SKOR2: variants seen among roughly 807,000 people sequenced by gnomAD.
SKOR2 encodes SKI family transcriptional corepressor 2.
SKOR2 carries 47 observed loss-of-function variants against 69.1 expected under a neutral mutation model. The observed-to-expected ratio is 0.68, with a 90% CI of 0.54 to 0.87. The LOEUF is 0.87. SKOR2 is among the 40% of genes least tolerant of loss of function. SKOR2 has a pLI of 0.00. For synonymous variants in SKOR2, 717 were observed against 672.6 expected (o/e 1.07, Z -1.02); for missense variants, 1,404 against 1,472.2 (o/e 0.95, Z 0.76).
chr18:47,217,885 T>C (rs1316744975), intron 7 of SKOR2, among the ~76,000 whole-genome samples: 3 of 152,146 alleles, frequency 2.0e-5, no homozygotes, highest in African/African-American at 7.2e-5. Flanking sequence ...CCCAAATTAT[T>C]TAATTTGCTA....
At position 47,248,269 on chromosome 18, in the gene SKOR2, A is replaced by G. The variant is rs1324802488; in HGVS notation, c.915T>C (p.His305=). 2 of 1,217,964 alleles carry G rather than the reference A, an allele frequency of 1.6e-6. No homozygotes were observed. The highest frequency in any genetic ancestry group is 7.9e-5 in the South Asian group (2 of 25,308). 75.4% of individuals were successfully genotyped at this position (1,217,964 alleles called of 1,614,324 possible). A position where few individuals can be genotyped will look rare whatever the true frequency, so the allele number is the denominator to read the frequency against. The change falls in exon 2 of 9, where the codon CAT becomes CAC. Residue 305 remains histidine (H), a synonymous_variant. Coordinates refer to ENST00000425639, the MANE Select transcript of SKOR2 (RefSeq NM_001278063.4). The surrounding 1 kb of genome is among the most constrained non-coding windows in gnomAD (Gnocchi z 6.4). ...CGTCGTCGAAGCGCGGCCGCTTGTG[A>G]TGGGCGTGCGGGGCACCAGCCAGCT... ...LAELAGAPHA[H]HKRPRFDDDD... is the part of the protein sequence containing the mutation.
At chr18:47,239,077 T>A (rs1231188176) in intron 4 of SKOR2, among the ~76,000 whole-genome samples, 1 of 152,252 alleles carries the variant, frequency 6.6e-6, no homozygotes, top group African/African-American at 2.4e-5. Flanking sequence ...CTCTTAGAGG[T>A]ATAATTTGGA....
chr18:47,217,435 T>C (rs1455998110), intron 7 of SKOR2, among the ~76,000 whole-genome samples: 1 of 152,202 alleles, frequency 6.6e-6, no homozygotes, highest in African/African-American at 2.4e-5. Flanking sequence ...CTCTGTTAGG[T>C]GCAGACAGAG....
intron 4 of SKOR2, among the ~76,000 whole-genome samples, chr18:47,238,296 T>C (rs1173212177): frequency 6.6e-6 from 1 of 151,320 alleles, no homozygotes; most frequent in Admixed American, 6.6e-5. Context: ...GTAAATTTAG[T>C]AAATAATTTT....
intron 7 of SKOR2, among the ~76,000 whole-genome samples, chr18:47,213,567 TAGTC>T (rs781497488): frequency 3.3e-5 from 5 of 151,816 alleles, no homozygotes; most frequent in African/African-American, 7.3e-5. Flanking sequence ...CTGTAATAAT[TAGTC>T]AGCTGAATCA....
rs1490330912 is a variant in SKOR2 at position 47,251,469 on chromosome 18, G to C, written c.-143C>G. The C allele has an allele frequency of 6.6e-6, 1 of 152,362 alleles. No homozygotes were observed. Among genetic ancestry groups the C allele is most frequent in the African/African-American group, 2.4e-5 (1 of 41,472 alleles). The allele number at this position is 152,362 out of a possible 1,614,324, so 9.4% of individuals were successfully genotyped here. ...ATCCAAGCGGGTCCTCGTATCCAGC[G>C]GGCGGGACTCTGGCGGGCTCCGCGC... On this transcript the variant is annotated 5_prime_UTR_variant, in exon 1 of 9. Coordinates refer to ENST00000425639, the MANE Select transcript of SKOR2 (RefSeq NM_001278063.4).
At chr18:47,224,507 T>A (rs2064172145) in intron 6 of SKOR2, among the ~76,000 whole-genome samples, 1 of 152,192 alleles carries the variant, frequency 6.6e-6, no homozygotes, top group African/African-American at 2.4e-5. Context: ...ATAGGGTACA[T>A]CTGGTTCACA....
At chr18:47,250,020 G>T (rs2064305796) in intron 1 of SKOR2, among the ~76,000 whole-genome samples, 1 of 152,132 alleles carries the variant, frequency 6.6e-6, no homozygotes. Context: ...CTGTTTTACT[G>T]TCATTTCCAT....
chr18:47,248,485 G>A lies in SKOR2; in HGVS notation c.699C>T (p.Ala233=). The change falls in exon 2 of 9, where the codon GCC becomes GCT. Residue 233 remains alanine (A), a synonymous_variant. Transcript: ENST00000425639. This position sits in a 1 kb window ranked among gnomAD's most constrained non-coding sequence, Gnocchi z 6.4. ...ELVFAWEDVK[A]MFNGGSRKRA... ...GCTTGCGGCTGCCGCCGTTGAACAT[G>A]GCCTTGACGTCCTCCCAGGCGAAGA... The A allele has an allele frequency of 6.5e-7, 1 of 1,536,310 alleles. No individual in the cohort carries two copies. The highest frequency in any genetic ancestry group is 8.7e-7 in the Non-Finnish European group (1 of 1,146,700).
Position 47,219,862 on chromosome 18 carries a change from G to A in SKOR2, c.2985+81C>T, listed in dbSNP as rs140828276. On this transcript the variant is annotated intron_variant, in intron 7 of 8. Coordinates refer to ENST00000425639, the MANE Select transcript of SKOR2 (RefSeq NM_001278063.4). ...GGACCAAAGGATTTCATGCAAAAAC[G>A]TGAACAGTTTCATACATATTGGGTA... 7,239 of 1,260,284 alleles carry A rather than the reference G, an allele frequency of 5.7e-3. 27 individuals carry two copies. Among genetic ancestry groups the A allele is most frequent in the Non-Finnish European group, 7.5e-3 (6,737 of 903,374 alleles). The allele number at this position is 1,260,284 out of a possible 1,614,324, so 78.1% of individuals were successfully genotyped here. A position where few individuals can be genotyped will look rare whatever the true frequency, so the allele number is the denominator to read the frequency against.
intron 8 of SKOR2, among the ~76,000 whole-genome samples, chr18:47,209,966 G>A (rs528161429): frequency 3.3e-5 from 5 of 152,058 alleles, no homozygotes; most frequent in East Asian, 1.9e-4. Flanking sequence ...TGGCGTGCAC[G>A]CCTATAATGC....
chr18:47,226,566 G>A (rs1470993294), intron 6 of SKOR2, among the ~76,000 whole-genome samples: 8 of 151,942 alleles, frequency 5.3e-5, no homozygotes, highest in African/African-American at 1.5e-4. Context: ...TACCCGGTTC[G>A]TTGATTAAAC....
In SKOR2 at chr18:47,245,559, A is replaced by G; in HGVS notation, c.2616T>C (p.Ser872=). 1 of 1,464,150 alleles carries G rather than the reference A, an allele frequency of 6.8e-7. No homozygotes were observed. The highest frequency in any genetic ancestry group is 9.0e-7 in the Non-Finnish European group (1 of 1,114,552). 90.7% of individuals were successfully genotyped at this position (1,464,150 alleles called of 1,614,324 possible). Residue 872 remains serine (S), a splice_region_variant and synonymous_variant, in exon 3 of 9, where the codon AGT becomes AGC. Coordinates refer to ENST00000425639, the MANE Select transcript of SKOR2 (RefSeq NM_001278063.4). ...SLEEQPSYKD[S]QKTKENNQVI... Reference sequence around the variant, plus strand: ...CTTGGTTATTTTCCTTAGTTTTCTGACTCTGTGTGGAAAAGAATTAGACAT... The same window carrying G: ...CTTGGTTATTTTCCTTAGTTTTCTGGCTCTGTGTGGAAAAGAATTAGACAT...
intron 5 of SKOR2, 71 bp downstream of exon 5, chr18:47,230,864 A>G: frequency 6.9e-7 from 1 of 1,448,050 alleles, no homozygotes; most frequent in Non-Finnish European, 9.3e-7. Flanking sequence ...GGAGAACAAA[A>G]ATATCCTCCT....
Position 47,247,025 on chromosome 18 carries a change from C to A in SKOR2, c.2159G>T (p.Gly720Val), listed in dbSNP as rs1276785458. Reference protein sequence around the residue: ...HPHHRGLLSPGGTSCCYPSED... With the variant: ...HPHHRGLLSPVGTSCCYPSED... ...GCTGGGGTAGCAGCAGCTGGTTCCC[C>A]CGGGAGACAGAAGGCCTCGGTGGTG... The change falls in exon 2 of 9, where the codon GGG (glycine) becomes GTG (valine). Residue 720 changes from glycine (G) to valine (V), a missense_variant. Gly to Val is a moderately radical substitution (Grantham distance 109, BLOSUM62 -3). Transcript: ENST00000425639. This position sits in a 1 kb window ranked among gnomAD's most constrained non-coding sequence, Gnocchi z 6.6. The A allele has an allele frequency of 6.7e-7, 1 of 1,490,408 alleles. No individual in the cohort carries two copies. Among genetic ancestry groups the A allele is most frequent in the African/African-American group, 1.5e-5 (1 of 68,542 alleles). 92.3% of individuals were successfully genotyped at this position (1,490,408 alleles called of 1,614,324 possible). A position where few individuals can be genotyped will look rare whatever the true frequency, so the allele number is the denominator to read the frequency against.
rs776109423 is a variant in SKOR2, at chr18:47,249,025, C to T, written c.159G>A (p.Ser53=). 2.6e-6 allele frequency: 4 copies of T among 1,542,326 alleles called. No individual in the cohort carries two copies. The highest frequency in any genetic ancestry group is 1.9e-5 in the Admixed American group (1 of 51,462). ...GGCGCTCTTGCCCGTCGATCACCAA[C>T]GACACGATGGGAATGCCGTAGAGGA... ...QVILYGIPIV[S]LVIDGQERLC... Residue 53 remains serine (S), a synonymous_variant, in exon 2 of 9, where the codon TCG becomes TCA. Transcript: ENST00000425639.
rs1600049093 is a variant in SKOR2, at chr18:47,246,785, C to T, written c.2399G>A (p.Arg800Gln). Reference sequence around the variant, plus strand: ...GCCCGCGACGGCCGGCGCGCGGTCCCGGCTGCTCCCCTTCTCCGACGGCCC... The same window carrying T: ...GCCCGCGACGGCCGGCGCGCGGTCCTGGCTGCTCCCCTTCTCCGACGGCCC... ...GRGPSEKGSS[R>Q]DRAPAVAGAF... Residue 800 changes from arginine to glutamine, a missense_variant, in exon 2 of 9, where the codon CGG (arginine) becomes CAG (glutamine). Physicochemically the swap from Arg to Gln is conservative, Grantham distance 43. Coordinates refer to ENST00000425639, the MANE Select transcript of SKOR2 (RefSeq NM_001278063.4). The T allele has an allele frequency of 7.1e-7, 1 of 1,410,814 alleles. No individual in the cohort carries two copies. The highest frequency in any genetic ancestry group is 9.2e-7 in the Non-Finnish European group (1 of 1,092,230). The allele number at this position is 1,410,814 out of a possible 1,614,324, so 87.4% of individuals were successfully genotyped here.
chr18:47,243,317 T>C (rs1333894336), intron 4 of SKOR2, among the ~76,000 whole-genome samples: 1 of 152,224 alleles, frequency 6.6e-6, no homozygotes, highest in Non-Finnish European at 1.5e-5. Flanking sequence ...AATCTATTTT[T>C]AGATATACAG....
intron 4 of SKOR2, among the ~76,000 whole-genome samples, chr18:47,242,229 A>G (rs2064252321): frequency 6.6e-6 from 1 of 152,182 alleles, no homozygotes; most frequent in Admixed American, 6.5e-5. Context: ...TCAGAGGAAG[A>G]TGAAAGAGAG....
Sources: allele counts gnomAD v4.1 joint callset (sites outside exome capture counted in the v4.1 genomes callset), GRCh38; gene constraint gnomAD v4.1.1; non-coding constraint Gnocchi (gnomAD v3.1); transcripts MANE v1.5; gene names NCBI Gene and HGNC (gene_info 2026-07-23, HGNC 2026-07-21).